PDE8B: variants seen among roughly 807,000 people sequenced by gnomAD.
PDE8B encodes high affinity cAMP-specific and IBMX-insensitive 3',5'-cyclic phosphodiesterase 8B.
PDE8B carries 26 observed loss-of-function variants against 101.3 expected under a neutral mutation model. That is an observed-to-expected ratio of 0.26 (90% CI 0.19 to 0.36). The LOEUF (loss-of-function observed/expected upper bound fraction) is 0.36, where lower values mean the gene tolerates loss of function less well. Among genes scored for constraint, PDE8B ranks in the 10% least tolerant of loss-of-function variants. The probability of loss-of-function intolerance (pLI) is 1.00; values close to 1 mark genes in which losing one functional copy is unlikely to be tolerated. For missense variants in PDE8B, 810 were observed against 1,163.1 expected (o/e 0.70, Z 4.42); for synonymous variants, 424 against 429.3 (o/e 0.99, Z 0.15).
chr5:77,253,977 G>A (rs1251093927), intron 1 of PDE8B, among the ~76,000 whole-genome samples: 2 of 151,840 alleles, frequency 1.3e-5, no homozygotes, highest in Admixed American at 1.3e-4. Flanking sequence ...CTGATATGAA[G>A]TATGCTTTCA....
intron 6 of PDE8B, among the ~76,000 whole-genome samples, chr5:77,338,264 C>T (rs1485835682): frequency 6.6e-6 from 1 of 152,178 alleles, no homozygotes; most frequent in Non-Finnish European, 1.5e-5. Context: ...CGACAAAATC[C>T]TTTTCAAACT....
Position 77,411,740 on chromosome 5 carries a change from A to G in PDE8B, c.1576+19A>G. The G allele has an allele frequency of 6.3e-7, 1 of 1,579,708 alleles. No individual in the cohort carries two copies. Among genetic ancestry groups the G allele is most frequent in the East Asian group, 2.2e-5 (1 of 44,686 alleles). On this transcript the variant is annotated intron_variant, in intron 15 of 21. Coordinates refer to ENST00000264917, the MANE Select transcript of PDE8B (RefSeq NM_003719.5). Reference sequence around the variant, plus strand: ...ACTAAGAGTAAGTTTTCATCTATTTACTTGTTAGTGTAACCTGTCTCCAGC... The same window carrying G: ...ACTAAGAGTAAGTTTTCATCTATTTGCTTGTTAGTGTAACCTGTCTCCAGC...
the PDE8B span, among the ~76,000 whole-genome samples, chr5:77,095,695 G>A: frequency 6.6e-5 from 10 of 152,114 alleles, no homozygotes; most frequent in South Asian, 6.2e-4. Flanking sequence ...CTTCAACATT[G>A]TCTCATCCCT....
chr5:77,087,173 C>G, the PDE8B span: 5 of 152,544 alleles, frequency 3.3e-5, no homozygotes, highest in African/African-American at 1.2e-4. Flanking sequence ...TGGTAGATCC[C>G]CCTCCAGGCG....
chr5:77,295,798 C>G (rs773199383), intron 1 of PDE8B, among the ~76,000 whole-genome samples: 2 of 152,212 alleles, frequency 1.3e-5, no homozygotes, highest in African/African-American at 2.4e-5. Flanking sequence ...AAGTCTTGAT[C>G]TGGTAATTTG....
the PDE8B span, chr5:77,146,165 G>C: frequency 6.6e-6 from 1 of 152,180 alleles, no homozygotes; most frequent in Non-Finnish European, 1.5e-5. Context: ...TGCATACCTG[G>C]ACCTGATTTA....
chr5:77,365,524 G>A (rs574970299), intron 10 of PDE8B, among the ~76,000 whole-genome samples: 8 of 152,320 alleles, frequency 5.3e-5, no homozygotes, highest in South Asian at 2.1e-4. Context: ...TGCCTTCATC[G>A]TCATCATCTT....
chr5:77,405,068 C>CA (rs1294657762), intron 12 of PDE8B, among the ~76,000 whole-genome samples: 1 of 152,244 alleles, frequency 6.6e-6, no homozygotes, highest in Non-Finnish European at 1.5e-5. Flanking sequence ...CCAAGCAACT[C>CA]AGAGTTTTAG....
chr5:77,274,241 G>C (rs1763383719), intron 1 of PDE8B, among the ~76,000 whole-genome samples: 1 of 152,164 alleles, frequency 6.6e-6, no homozygotes, highest in Non-Finnish European at 1.5e-5. Context: ...TCCCTATGAG[G>C]TAGGGAGGTA....
In PDE8B at chr5:77,418,348, C is replaced by G. The variant is rs1795983787; in HGVS notation, c.2031C>G (p.Leu677=). The change falls in exon 18 of 22, where the codon CTC becomes CTG. Residue 677 remains leucine, a synonymous_variant. Transcript: ENST00000264917. ...LCNAGSELAV[L]YNDTAVLESH... ...ATGCAGGCAGTGAGCTTGCTGTGCTCTACAATGACACTGCTGTTCTGGAGA... is the reference window on the plus strand; with the variant it reads ...ATGCAGGCAGTGAGCTTGCTGTGCTGTACAATGACACTGCTGTTCTGGAGA... 6.2e-7 allele frequency: 1 copy of G among 1,613,958 alleles called. No individual in the cohort carries two copies. Among genetic ancestry groups the G allele is most frequent in the Non-Finnish European group, 8.5e-7 (1 of 1,179,832 alleles).
At chr5:77,217,844 T>C (rs976534925) in intron 1 of PDE8B, among the ~76,000 whole-genome samples, 2 of 152,168 alleles carry the variant, frequency 1.3e-5, no homozygotes, top group African/African-American at 4.8e-5. Context: ...CCCAAAACAC[T>C]ACTTTTCAAC....
chr5:77,399,263 T>G (rs991945296), intron 10 of PDE8B, among the ~76,000 whole-genome samples: 1 of 152,220 alleles, frequency 6.6e-6, no homozygotes, highest in African/African-American at 2.4e-5. Context: ...AATAGTAATA[T>G]TGGAGGCCAT....
intron 10 of PDE8B, among the ~76,000 whole-genome samples, chr5:77,353,903 G>A (rs1781614294): frequency 6.6e-6 from 1 of 152,102 alleles, no homozygotes. Context: ...ACTTTTTAAG[G>A]TAATTTTGTA....
At chr5:77,149,995 A>G in the PDE8B span, among the ~76,000 whole-genome samples, 1 of 152,234 alleles carries the variant, frequency 6.6e-6, no homozygotes, top group Admixed American at 6.5e-5. Flanking sequence ...CACAATATTT[A>G]TGAGCATGTG....
At chr5:77,166,938 A>C in the PDE8B span, 2 of 152,220 alleles carry the variant, frequency 1.3e-5, no homozygotes, top group Non-Finnish European at 2.9e-5. Flanking sequence ...GGTACAGTAC[A>C]TCCTTCCCTA....
chr5:77,136,263 T>C, the PDE8B span, among the ~76,000 whole-genome samples: 880 of 152,346 alleles, frequency 5.8e-3, 10 homozygotes, highest in African/African-American at 0.02. Context: ...TTGTCTCTAC[T>C]TCCTCTAAGT....
chr5:77,350,008 C>G (rs752314684), intron 8 of PDE8B, among the ~76,000 whole-genome samples: 1 of 152,152 alleles, frequency 6.6e-6, no homozygotes, highest in Non-Finnish European at 1.5e-5. Flanking sequence ...GCTTCCTCCT[C>G]CCAGCTGCAC....
At position 77,387,161 on chromosome 5, in the gene PDE8B, G is replaced by A. The variant is rs368644631; in HGVS notation, c.1168-13087G>A. Among the ~76,000 whole-genome samples the A allele has an allele frequency of 3.9e-5, 6 of 152,030 alleles. No individual in the cohort carries two copies. In the South Asian group the frequency reaches 6.2e-4, roughly 16 times the overall value. ...GCCGATGTAGTTTCTTTATAGTGTC[G>A]ATGGTCTTTACAATTTGGTATGTTT... is the stretch of plus-strand genomic sequence containing the variant. On this transcript the variant is annotated intron_variant, in intron 10 of 21. Coordinates refer to ENST00000264917, the MANE Select transcript of PDE8B (RefSeq NM_003719.5).
chr5:77,271,117 A>G (rs540925838), intron 1 of PDE8B, among the ~76,000 whole-genome samples: 6 of 152,344 alleles, frequency 3.9e-5, no homozygotes, highest in East Asian at 1.9e-4. Context: ...CCAGGTCACT[A>G]TGGTGATGAG....
Sources: allele counts gnomAD v4.1 joint callset (sites outside exome capture counted in the v4.1 genomes callset), GRCh38; gene constraint gnomAD v4.1.1; transcripts MANE v1.5; gene names NCBI Gene and HGNC (gene_info 2026-07-23, HGNC 2026-07-21).